FANCL: variants seen among roughly 807,000 people sequenced by gnomAD.
FANCL encodes FA complementation group L, also known as E3 ubiquitin-protein ligase FANCL.
A neutral mutation model predicts 59.4 loss-of-function variants in FANCL; 69 were observed. The observed-to-expected ratio is 1.16, with a 90% confidence interval of 0.96 to 1.42. FANCL has a LOEUF of 1.42. Ranked by LOEUF, FANCL falls within the 40% of genes most tolerant of loss-of-function variation. The probability of loss-of-function intolerance (pLI) is 0.00; values close to 1 mark genes in which losing one functional copy is unlikely to be tolerated. For synonymous variants in FANCL, 180 were observed against 147.1 expected, an observed-to-expected ratio of 1.22 and a Z score of -1.62; for missense variants, 519 against 447.2, an observed-to-expected ratio of 1.16 and a Z score of -1.45.
At chr2:58,173,177 T>G (rs1686861190) in intron 7 of FANCL, among the ~76,000 whole-genome samples, 1 of 152,098 alleles carries the variant, frequency 6.6e-6, no homozygotes, top group Admixed American at 6.5e-5. Flanking sequence ...TACCTGAAAG[T>G]GACGAGGACA....
At chr2:58,175,930 CAA>C (rs1465757339) in intron 7 of FANCL, among the ~76,000 whole-genome samples, 1 of 152,082 alleles carries the variant, frequency 6.6e-6, no homozygotes, top group Non-Finnish European at 1.5e-5. Flanking sequence ...GCAACTTCAG[CAA>C]AGTCTCAGGA....
At position 58,163,040 on chromosome 2, in the gene FANCL, G is replaced by GT; in HGVS notation, c.809dup (p.Asn270LysfsTer10). The GT allele has an allele frequency of 1.2e-6, 2 of 1,612,352 alleles. No individual in the cohort carries two copies. Among genetic ancestry groups the GT allele is most frequent in the Non-Finnish European group, 1.7e-6 (2 of 1,179,022 alleles). ...GCCAAGGTACCTACCACAAATGTAT[G>GT]TTCCTGCTCAGCTTAATTCCCAGGG... On this transcript the variant is annotated frameshift_variant, in exon 10 of 14. Coordinates refer to ENST00000233741, the MANE Select transcript of FANCL (RefSeq NM_018062.4). LOFTEE classifies it high-confidence loss of function.
intron 5 of FANCL, among the ~76,000 whole-genome samples, chr2:58,208,975 A>C (rs1690861760): frequency 6.6e-6 from 1 of 152,180 alleles, no homozygotes. Flanking sequence ...CCAAAGTCAA[A>C]AAATAAATTG....
chr2:58,200,360 T>G (rs138465673), intron 6 of FANCL, among the ~76,000 whole-genome samples: 1 of 152,076 alleles, frequency 6.6e-6, no homozygotes, highest in Non-Finnish European at 1.5e-5. Flanking sequence ...CTGTTTCACA[T>G]GTAAAAATGA....
chr2:58,175,616 G>C (rs992280473), intron 7 of FANCL, among the ~76,000 whole-genome samples: 1 of 152,060 alleles, frequency 6.6e-6, no homozygotes, highest in African/African-American at 2.4e-5. Context: ...AATAAATTAG[G>C]TATTGATGGG....
intron 7 of FANCL, among the ~76,000 whole-genome samples, chr2:58,195,395 C>T (rs1401897219): frequency 1.3e-5 from 2 of 152,010 alleles, no homozygotes; most frequent in Admixed American, 6.6e-5. Context: ...AGCCCCCAAC[C>T]CGCACAAATG....
At chr2:58,216,765 C>T (rs1025796292) in intron 5 of FANCL, among the ~76,000 whole-genome samples, 1 of 151,806 alleles carries the variant, frequency 6.6e-6, no homozygotes, top group African/African-American at 2.4e-5. Flanking sequence ...ACCTTCATAC[C>T]TTGACCTCTG....
At chr2:58,208,250 TAGA>T (rs1690788166) in intron 5 of FANCL, among the ~76,000 whole-genome samples, 1 of 152,166 alleles carries the variant, frequency 6.6e-6, no homozygotes, top group South Asian at 2.1e-4. Flanking sequence ...GATTTGTATT[TAGA>T]AGGAGTTTAG....
rs543029154 is a variant in FANCL, at chr2:58,163,118, C to G, written c.776-44G>C. 5.6e-5 allele frequency: 85 copies of G among 1,524,866 alleles called. 2 individuals carry two copies. The East Asian group carries it at 7.5e-4, about 13-fold the overall frequency. 94.5% of individuals were successfully genotyped at this position (1,524,866 alleles called of 1,614,324 possible). On this transcript the variant is annotated intron_variant, in intron 9 of 13. Transcript: ENST00000233741. ...AAATTTAATAATTGCATGCTCTACT[C>G]TTGGTTTCTAAAGCCACATTTGATA...
chr2:58,216,746 C>A (rs1212064475), intron 5 of FANCL, among the ~76,000 whole-genome samples: 2 of 151,980 alleles, frequency 1.3e-5, no homozygotes, highest in Middle Eastern at 3.2e-3. Flanking sequence ...TTCCCATTCA[C>A]ACACAGGTAC....
intron 5 of FANCL, among the ~76,000 whole-genome samples, chr2:58,205,499 G>A (rs949324175): frequency 1.3e-5 from 2 of 151,950 alleles, no homozygotes; most frequent in Admixed American, 1.3e-4. Context: ...CTGAAGTTCA[G>A]ATATATCAAT....
At chr2:58,204,435 T>C (rs1173441555) in intron 5 of FANCL, among the ~76,000 whole-genome samples, 2 of 152,122 alleles carry the variant, frequency 1.3e-5, no homozygotes, top group Non-Finnish European at 2.9e-5. Context: ...GTCATATATC[T>C]CTGGATTATT....
chr2:58,238,297 T>C (rs748619426), intron 1 of FANCL, among the ~76,000 whole-genome samples: 1 of 152,182 alleles, frequency 6.6e-6, no homozygotes, highest in Non-Finnish European at 1.5e-5. Flanking sequence ...TCTTGGCAAA[T>C]ATCTTGATTG....
At chr2:58,233,211 T>C (rs113490416) in intron 1 of FANCL, among the ~76,000 whole-genome samples, 6 of 151,220 alleles carry the variant, frequency 4.0e-5, no homozygotes, top group African/African-American at 1.5e-4. Flanking sequence ...GTAAGAACAA[T>C]TTGGAATTCT....
chr2:58,166,016 T>A (rs1573533405), intron 7 of FANCL, 142 bp from the exon 8 acceptor site: 1 of 740,516 alleles, frequency 1.4e-6, no homozygotes, highest in Non-Finnish European at 2.3e-6. Flanking sequence ...AGTAGTCGAC[T>A]CTCCCTGCTT....
At chr2:58,209,302 G>T (rs1409428831) in intron 5 of FANCL, among the ~76,000 whole-genome samples, 2 of 152,110 alleles carry the variant, frequency 1.3e-5, no homozygotes, top group Admixed American at 6.6e-5. Flanking sequence ...TGATTCATGT[G>T]TAAGTTTCAA....
At chr2:58,165,615 T>C in intron 8 of FANCL, 109 bp downstream of exon 8, 1 of 1,375,190 alleles carries the variant, frequency 7.3e-7, no homozygotes, top group Non-Finnish European at 1.0e-6. Flanking sequence ...AAAATTTTAA[T>C]AGTTGACTTC....
Position 58,159,637 on chromosome 2 carries a change from C to G in FANCL, c.*128G>C, listed in dbSNP as rs781556579. The G allele has an allele frequency of 1.9e-6, 3 of 1,613,722 alleles. No individual in the cohort carries two copies. The highest frequency in any genetic ancestry group is 2.5e-6 in the Non-Finnish European group (3 of 1,179,770). On this transcript the variant is annotated 3_prime_UTR_variant, in exon 14 of 14. Coordinates refer to ENST00000233741, the MANE Select transcript of FANCL (RefSeq NM_018062.4). ...GACAAACGCAGATGTTTATTATTAT[C>G]GCATCATCATACCTGTCCTTTTGAT...
rs1688933528 is a variant in FANCL at position 58,191,672 on chromosome 2, AGAT to A, written c.540+6919_540+6921del. Among the ~76,000 whole-genome samples the A allele has an allele frequency of 3.9e-5, 6 of 151,962 alleles. No individual in the cohort carries two copies. In the South Asian group the frequency reaches 1.2e-3, roughly 31 times the overall value. On this transcript the variant is annotated intron_variant, in intron 7 of 13. Transcript: ENST00000233741. ...TTAACATATACATAATTCAATATATAGATAATAATTGCTGTCTGACAGATATGT... is the reference window on the plus strand; with the variant it reads ...TTAACATATACATAATTCAATATATAAATAATTGCTGTCTGACAGATATGT...
Sources: gnomAD v4.1 joint callset for allele counts (sites outside exome capture counted in the v4.1 genomes callset) on GRCh38, gnomAD v4.1.1 for gene constraint, MANE v1.5 for transcripts, NCBI Gene and HGNC (gene_info 2026-07-23, HGNC 2026-07-21) for gene names.